Variants in PIK3R5 observed in about 807,000 individuals in gnomAD.
The protein encoded by PIK3R5 is phosphoinositide 3-kinase regulatory subunit 5.
Under a neutral mutation model 94.9 loss-of-function variants are expected in PIK3R5, and 32 were observed. The observed-to-expected ratio is 0.34, with a 90% CI of 0.25 to 0.45. PIK3R5 has a LOEUF of 0.45. PIK3R5 is among the 20% of genes least tolerant of loss of function. PIK3R5 has a pLI of 1.00. For synonymous variants in PIK3R5, 443 were observed against 479.4 expected, an observed-to-expected ratio of 0.92 and a Z score of 0.99; for missense variants, 853 against 1,144.6, an observed-to-expected ratio of 0.75 and a Z score of 3.68.
intron 1 of PIK3R5, among the ~76,000 whole-genome samples, chr17:8,948,608 C>T (rs2091319808): frequency 6.6e-6 from 1 of 152,110 alleles, no homozygotes; most frequent in African/African-American, 2.4e-5. Context: ...ATTCCCACCA[C>T]AAGGCAATAC....
intron 1 of PIK3R5, among the ~76,000 whole-genome samples, chr17:8,929,964 T>G (rs531523633): frequency 6.6e-6 from 1 of 152,194 alleles, no homozygotes; most frequent in East Asian, 1.9e-4. Flanking sequence ...GCGATCGAAT[T>G]TAAAAACAGT....
At chr17:8,932,675 C>T (rs1340248482) in intron 1 of PIK3R5, among the ~76,000 whole-genome samples, 1 of 152,094 alleles carries the variant, frequency 6.6e-6, no homozygotes, top group Non-Finnish European at 1.5e-5. Flanking sequence ...ACGATAGAAA[C>T]CATTCAAACT....
At chr17:8,912,751 C>G (rs7208804) in intron 1 of PIK3R5, among the ~76,000 whole-genome samples, 33,007 of 152,216 alleles carry the variant, frequency 0.22, 4,172 homozygotes, top group East Asian at 0.48. Flanking sequence ...AACCTGGGTT[C>G]AGCTGCGCGG....
intron 1 of PIK3R5, among the ~76,000 whole-genome samples, chr17:8,959,413 G>A (rs979201120): frequency 8.2e-5 from 7 of 85,722 alleles, no homozygotes; most frequent in Non-Finnish European, 2.3e-4. Flanking sequence ...CTTTGAGCGA[G>A]AGAGACTGTG....
chr17:8,960,676 T>A (rs1366248476), intron 1 of PIK3R5, among the ~76,000 whole-genome samples: 1 of 151,988 alleles, frequency 6.6e-6, no homozygotes. Flanking sequence ...TGGCTAGGAG[T>A]TGGGGAGCCT....
chr17:8,952,312 T>C (rs2091389700), intron 1 of PIK3R5, among the ~76,000 whole-genome samples: 1 of 152,228 alleles, frequency 6.6e-6, no homozygotes, highest in African/African-American at 2.4e-5. Flanking sequence ...AGAGAAATGA[T>C]GTTTTTGTTT....
intron 1 of PIK3R5, among the ~76,000 whole-genome samples, chr17:8,948,931 T>C (rs2091326910): frequency 6.6e-6 from 1 of 152,048 alleles, no homozygotes; most frequent in Non-Finnish European, 1.5e-5. Flanking sequence ...ATGGGACAGG[T>C]GCCATAGGAA....
At chr17:8,961,982 A>C (rs972998207) in intron 1 of PIK3R5, among the ~76,000 whole-genome samples, 23 of 152,236 alleles carry the variant, frequency 1.5e-4, no homozygotes, top group African/African-American at 5.1e-4. Context: ...AAGCAACCAA[A>C]CAAAAGCACC....
intron 1 of PIK3R5, among the ~76,000 whole-genome samples, chr17:8,944,615 A>G (rs932108601): frequency 6.6e-6 from 1 of 152,190 alleles, no homozygotes; most frequent in African/African-American, 2.4e-5. Flanking sequence ...AAGAGTGGGA[A>G]CATACCCTCT....
At chr17:8,941,868 C>G (rs997313862) in intron 1 of PIK3R5, among the ~76,000 whole-genome samples, 2 of 152,254 alleles carry the variant, frequency 1.3e-5, no homozygotes, top group Non-Finnish European at 2.9e-5. Context: ...CATCGAGATG[C>G]AGGCAGTAGG....
intron 5 of PIK3R5, among the ~76,000 whole-genome samples, chr17:8,898,099 C>G (rs1343399953): frequency 6.6e-6 from 1 of 152,240 alleles, no homozygotes; most frequent in Non-Finnish European, 1.5e-5. Flanking sequence ...TTTCCCTAAA[C>G]CTCCCCCACC....
In PIK3R5 at chr17:8,956,591, C is replaced by T. The variant is rs117902759; in HGVS notation, c.-14+9005G>A. 7.1e-4 allele frequency among the ~76,000 whole-genome samples: 108 copies of T among 152,298 alleles called. 2 individuals are homozygous for T. The East Asian group carries it at 0.019, about 27-fold the overall frequency. ...CATCTCCTATTCCCATCCTGTAGCCCGTACATCACATCACAGCCCCCTGTG... is the reference window on the plus strand; with the variant it reads ...CATCTCCTATTCCCATCCTGTAGCCTGTACATCACATCACAGCCCCCTGTG... On this transcript the variant is annotated intron_variant, in intron 1 of 18. Transcript: ENST00000447110.
At chr17:8,963,651 C>G (rs963238801) in intron 1 of PIK3R5, among the ~76,000 whole-genome samples, 2 of 152,026 alleles carry the variant, frequency 1.3e-5, no homozygotes, top group Non-Finnish European at 2.9e-5. Context: ...AATCCTCCCA[C>G]TTAAGCTTCT....
chr17:8,924,277 A>G (rs1463526608), intron 1 of PIK3R5, among the ~76,000 whole-genome samples: 1 of 143,922 alleles, frequency 6.9e-6, no homozygotes. Flanking sequence ...GTGGGGTTTC[A>G]CCATGTTGCC....
chr17:8,898,812 C>T (rs419849), intron 5 of PIK3R5, among the ~76,000 whole-genome samples: 86,175 of 151,496 alleles, frequency 0.57, 24,841 homozygotes, highest in Non-Finnish European at 0.6. Flanking sequence ...GTGTAGGTCT[C>T]TGTCATACAA....
At chr17:8,939,939 TAG>T (rs1352072455) in intron 1 of PIK3R5, among the ~76,000 whole-genome samples, 2 of 152,216 alleles carry the variant, frequency 1.3e-5, no homozygotes, top group Non-Finnish European at 2.9e-5. Context: ...AAGCTCCAAA[TAG>T]AGTGTTTCAG....
chr17:8,887,576 G>C lies in PIK3R5; in HGVS notation c.1724C>G (p.Pro575Arg). The C allele has an allele frequency of 6.2e-7, 1 of 1,609,202 alleles. No homozygotes were observed. The highest frequency in any genetic ancestry group is 1.1e-5 in the South Asian group (1 of 90,026). Residue 575 changes from proline (P) to arginine (R), a missense_variant, in exon 11 of 19, where the codon CCT becomes CGT. Coordinates refer to ENST00000447110, the MANE Select transcript of PIK3R5 (RefSeq NM_001142633.3). ...HGTSPGACPPPRSQTPSPPTD... is the reference protein window; with the variant it reads ...HGTSPGACPPRRSQTPSPPTD... Reference sequence around the variant, plus strand: ...CGGGGGTGAGGGCGTCTGGCTCCGAGGGGGTGGACAGGCACCAGGGCTGGT... The same window carrying C: ...CGGGGGTGAGGGCGTCTGGCTCCGACGGGGTGGACAGGCACCAGGGCTGGT...
intron 5 of PIK3R5, among the ~76,000 whole-genome samples, chr17:8,897,565 G>A (rs980580527): frequency 2.0e-5 from 3 of 152,266 alleles, no homozygotes; most frequent in Admixed American, 6.5e-5. Flanking sequence ...ACCAATCCAG[G>A]CCTTATGGGC....
At chr17:8,929,355 G>A (rs2090947593) in intron 1 of PIK3R5, among the ~76,000 whole-genome samples, 1 of 151,514 alleles carries the variant, frequency 6.6e-6, no homozygotes, top group Non-Finnish European at 1.5e-5. Context: ...AAGTAAAAGG[G>A]TGGGAAAATA....
Sources: allele counts gnomAD v4.1 joint callset (sites outside exome capture counted in the v4.1 genomes callset), GRCh38; gene constraint gnomAD v4.1.1; transcripts MANE v1.5; gene names NCBI Gene and HGNC (gene_info 2026-07-23, HGNC 2026-07-21).